PDE4D: variants seen among roughly 807,000 people sequenced by gnomAD.
The protein encoded by PDE4D is phosphodiesterase 4D, also known as 3',5'-cyclic-AMP phosphodiesterase 4D.
PDE4D carries 24 observed loss-of-function variants against 87.4 expected under a neutral mutation model. The observed-to-expected ratio is 0.27, with a 90% CI of 0.20 to 0.39. The LOEUF (loss-of-function observed/expected upper bound fraction) is 0.39, where lower values mean the gene tolerates loss of function less well. Ranked by LOEUF, PDE4D falls within the 10% of genes least tolerant of loss-of-function variation. The probability of loss-of-function intolerance (pLI) is 1.00; values close to 1 mark genes in which losing one functional copy is unlikely to be tolerated. For synonymous variants in PDE4D, 384 were observed against 383.2 expected (o/e 1.00, Z -0.02); for missense variants, 714 against 1,041.0 (o/e 0.69, Z 4.32).
At chr5:60,386,217 T>C (rs962952416) in intron 1 of PDE4D, among the ~76,000 whole-genome samples, 1 of 151,960 alleles carries the variant, frequency 6.6e-6, no homozygotes, top group African/African-American at 2.4e-5. Flanking sequence ...TAAAAAAAAA[T>C]GACTAATTAG....
At chr5:59,366,207 A>C (rs1783032340) in intron 1 of PDE4D, among the ~76,000 whole-genome samples, 1 of 152,190 alleles carries the variant, frequency 6.6e-6, no homozygotes, top group South Asian at 2.1e-4. Context: ...GACTCATCTG[A>C]ATACTATTTA....
chr5:59,179,826 A>G (rs1741059027), intron 5 of PDE4D: 1 of 301,254 alleles, frequency 3.3e-6, no homozygotes, highest in African/African-American at 2.3e-5. Flanking sequence ...TTTCCAGGCA[A>G]TTATTTTAAT....
At chr5:59,213,953 G>A (rs751313826) in intron 2 of PDE4D, among the ~76,000 whole-genome samples, 16 of 150,266 alleles carry the variant, frequency 1.1e-4, no homozygotes, top group Non-Finnish European at 1.0e-4. Context: ...CACCATGTAC[G>A]TACTCATTCA....
In PDE4D at chr5:59,807,801, T is replaced by A. The variant is rs369765392; in HGVS notation, c.455+85367A>T. 1.4e-4 allele frequency among the ~76,000 whole-genome samples: 21 copies of A among 152,308 alleles called. No homozygotes were observed. The East Asian group carries it at 3.3e-3, about 24-fold the overall frequency. Reference sequence around the variant, plus strand: ...TTCCTTCACAGTTCATTAGGCTGATTTACAACTTTTAAATATTTAGACAAG... The same window carrying A: ...TTCCTTCACAGTTCATTAGGCTGATATACAACTTTTAAATATTTAGACAAG... On this transcript the variant is annotated intron_variant, in intron 1 of 14. Transcript: ENST00000340635.
At chr5:59,695,597 T>C (rs760029697) in intron 1 of PDE4D, among the ~76,000 whole-genome samples, 10 of 152,056 alleles carry the variant, frequency 6.6e-5, no homozygotes, top group Non-Finnish European at 1.3e-4. Flanking sequence ...GGTGTGTATT[T>C]GATTTTATTC....
intron 1 of PDE4D, among the ~76,000 whole-genome samples, chr5:60,468,395 T>A (rs1284326777): frequency 6.6e-6 from 1 of 152,048 alleles, no homozygotes; most frequent in Non-Finnish European, 1.5e-5. Context: ...TGCCTCAGCA[T>A]CCCAAAATGC....
intron 5 of PDE4D, among the ~76,000 whole-genome samples, chr5:59,064,398 A>C (rs1358425378): frequency 6.6e-6 from 1 of 152,084 alleles, no homozygotes; most frequent in Non-Finnish European, 1.5e-5. Flanking sequence ...AGTCCTAGCC[A>C]ACCAAGCTCT....
intron 1 of PDE4D, among the ~76,000 whole-genome samples, chr5:59,683,228 G>A (rs778919715): frequency 2.0e-5 from 3 of 152,150 alleles, no homozygotes; most frequent in Non-Finnish European, 4.4e-5. Flanking sequence ...CGGATACATA[G>A]ATGATTAGAT....
At chr5:59,226,812 C>T (rs982026378) in intron 1 of PDE4D, among the ~76,000 whole-genome samples, 2 of 152,194 alleles carry the variant, frequency 1.3e-5, no homozygotes, top group African/African-American at 4.8e-5. Flanking sequence ...TAAACATATA[C>T]ATTCAATCAG....
intron 1 of PDE4D, among the ~76,000 whole-genome samples, chr5:60,415,572 C>A (rs1742441352): frequency 6.6e-6 from 1 of 152,238 alleles, no homozygotes; most frequent in African/African-American, 2.4e-5. Flanking sequence ...CCCCGCCACC[C>A]CGGGCAGTGA....
At chr5:59,725,302 T>C (rs1468893594) in intron 1 of PDE4D, among the ~76,000 whole-genome samples, 2 of 152,154 alleles carry the variant, frequency 1.3e-5, no homozygotes, top group African/African-American at 4.8e-5. Flanking sequence ...CCCTGAGTTT[T>C]GCTCACTGCT....
chr5:60,024,629 A>G (rs917628531), intron 2 of PDE4D, among the ~76,000 whole-genome samples: 17 of 152,126 alleles, frequency 1.1e-4, no homozygotes, highest in Admixed American at 6.6e-4. Context: ...CCCAAGCACA[A>G]TTATGGAACT....
chr5:59,405,729 G>A (rs908111408), intron 1 of PDE4D, among the ~76,000 whole-genome samples: 3 of 151,992 alleles, frequency 2.0e-5, no homozygotes, highest in African/African-American at 7.2e-5. Context: ...TCAGTTTTTT[G>A]AGTTTTTATC....
chr5:59,157,186 G>T, intron 5 of PDE4D: 1 of 612,920 alleles, frequency 1.6e-6, no homozygotes, highest in Non-Finnish European at 2.9e-6. Context: ...TGAAGGGTTA[G>T]AATTTCCACC....
At chr5:58,997,543 T>C (rs1219895018) in intron 6 of PDE4D, among the ~76,000 whole-genome samples, 1 of 152,152 alleles carries the variant, frequency 6.6e-6, no homozygotes, top group Non-Finnish European at 1.5e-5. Context: ...GAACCGATTG[T>C]AAAATGCAGA....
chr5:59,150,527 G>A (rs770194765), intron 5 of PDE4D, among the ~76,000 whole-genome samples: 3 of 152,118 alleles, frequency 2.0e-5, no homozygotes, highest in Admixed American at 2.0e-4. Flanking sequence ...TAGATTATAA[G>A]GAGTAAGAAT....
At chr5:59,337,821 T>C (rs1777994906) in intron 1 of PDE4D, among the ~76,000 whole-genome samples, 1 of 152,180 alleles carries the variant, frequency 6.6e-6, no homozygotes, top group Non-Finnish European at 1.5e-5. Context: ...TGGGGTATTC[T>C]GAATGGGCAT....
intron 1 of PDE4D, among the ~76,000 whole-genome samples, chr5:60,450,136 T>C (rs1194709704): frequency 6.6e-6 from 1 of 151,842 alleles, no homozygotes; most frequent in Non-Finnish European, 1.5e-5. Context: ...TTTATTGTCA[T>C]TTTTATGAGA....
At chr5:59,835,866 G>A (rs547047752) in intron 1 of PDE4D, among the ~76,000 whole-genome samples, 44 of 151,876 alleles carry the variant, frequency 2.9e-4, no homozygotes, top group Non-Finnish European at 5.3e-4. Flanking sequence ...TCCATAACTC[G>A]AAAGCAGGCT....
Sources: allele counts gnomAD v4.1 joint callset (sites outside exome capture counted in the v4.1 genomes callset), GRCh38; gene constraint gnomAD v4.1.1; transcripts MANE v1.5; gene names NCBI Gene and HGNC (gene_info 2026-07-23, HGNC 2026-07-21).